The following EOGT variants were observed in gnomAD, a reference collection of about 807,000 sequenced individuals.
EOGT encodes the protein EGF domain specific O-linked N-acetylglucosamine transferase.
EOGT carries 55 observed loss-of-function variants against 70.5 expected under a neutral mutation model. The ratio of observed to expected loss-of-function variants is 0.78; its 90% CI spans 0.63 to 0.98. The LOEUF is 0.98. EOGT is among the 50% of genes least tolerant of loss of function. The pLI, the probability that EOGT is intolerant of heterozygous loss-of-function variation, is 0.00. For missense variants in EOGT, 703 were observed against 641.9 expected, an observed-to-expected ratio of 1.10 and a Z score of -1.03; for synonymous variants, 246 against 217.1, an observed-to-expected ratio of 1.13 and a Z score of -1.17.
Position 68,975,908 on chromosome 3 carries a change from T to C in EOGT, c.*1710A>G, listed in dbSNP as rs918953407. 2.0e-5 allele frequency: 3 copies of C among 152,254 alleles called. No individual in the cohort carries two copies. Among genetic ancestry groups the C allele is most frequent in the Non-Finnish European group, 4.4e-5 (3 of 68,046 alleles). 9.4% of individuals were successfully genotyped at this position (152,254 alleles called of 1,614,324 possible). On this transcript the variant is annotated 3_prime_UTR_variant, in exon 18 of 18. Coordinates refer to ENST00000383701, the MANE Select transcript of EOGT (RefSeq NM_001278689.2). ...ATGGATATTTTTTACAACTGTAAAATATTTTTAAAAAATTATTTAGCTATT... is the reference window on the plus strand; with the variant it reads ...ATGGATATTTTTTACAACTGTAAAACATTTTTAAAAAATTATTTAGCTATT...
chr3:68,988,294 CCTTAGGTCCTT>C lies in EOGT; in HGVS notation c.1073_1083del (p.Glu358GlyfsTer20). 5 of 1,533,490 alleles carry C rather than the reference CCTTAGGTCCTT, an allele frequency of 3.3e-6. No individual in the cohort carries two copies. Among genetic ancestry groups the C allele is most frequent in the Non-Finnish European group, 4.4e-6 (5 of 1,144,524 alleles). 95.0% of individuals were successfully genotyped at this position (1,533,490 alleles called of 1,614,324 possible). The stretch of plus-strand genomic sequence containing the variant: ...CTCAGAATCCGCAGTGTATCCATTA[CCTTAGGTCCTT>C]CTTGTGTGATGTTTAGTCTGTGTAG... On this transcript the variant is annotated frameshift_variant and splice_region_variant, in exon 13 of 18. Coordinates refer to ENST00000383701, the MANE Select transcript of EOGT (RefSeq NM_001278689.2). LOFTEE classifies it high-confidence loss of function.
At position 68,996,007 on chromosome 3, in the gene EOGT, G is replaced by A. The variant is rs144612403; in HGVS notation, c.831+2004C>T. 2.4e-3 allele frequency among the ~76,000 whole-genome samples: 368 copies of A among 152,166 alleles called. 1 individual carries two copies. Among genetic ancestry groups the A allele is most frequent in the African/African-American group, 8.5e-3 (352 of 41,530 alleles). On this transcript the variant is annotated intron_variant, in intron 10 of 17. Coordinates refer to ENST00000383701, the MANE Select transcript of EOGT (RefSeq NM_001278689.2). ...TTTAAAAATAGTTTTGTTTAAAAAC[G>A]GCAAAACAACCCTGAGTTAATAATT... is the stretch of plus-strand genomic sequence containing the variant.
chr3:68,992,345 T>C (rs1026743528), intron 10 of EOGT, among the ~76,000 whole-genome samples: 8 of 152,192 alleles, frequency 5.3e-5, no homozygotes, highest in East Asian at 1.9e-4. Flanking sequence ...ATGGGAGAAA[T>C]TGGCCAAAAC....
At chr3:69,010,791 G>A (rs2091556329) in intron 3 of EOGT, among the ~76,000 whole-genome samples, 1 of 152,170 alleles carries the variant, frequency 6.6e-6, no homozygotes, top group African/African-American at 2.4e-5. Context: ...GGAGTGGGAT[G>A]GCTCTGAGCA....
At position 69,010,013 on chromosome 3, in the gene EOGT, T is replaced by C. The variant is rs74548396; in HGVS notation, c.-14-153A>G. ...GCTATCCCACTGAATAATGATCCTT[T>C]ATTCAATTTTTTTTGAGCACTTGCT... On this transcript the variant is annotated intron_variant, in intron 3 of 17. Transcript: ENST00000383701. Among the ~76,000 whole-genome samples, 1,222 of 151,824 alleles carry C rather than the reference T, an allele frequency of 8.0e-3. 13 individuals are homozygous for C. Among genetic ancestry groups the C allele is most frequent in the Non-Finnish European group, 0.013 (896 of 67,980 alleles).
chr3:68,978,217 C>T, intron 17 of EOGT, 116 bp downstream of exon 17: 1 of 765,974 alleles, frequency 1.3e-6, no homozygotes, highest in Non-Finnish European at 2.2e-6. Flanking sequence ...TTCAGTATTC[C>T]AGAGAACAGT....
rs762688739 is a variant in EOGT at position 68,978,378 on chromosome 3, G to A, written c.1392C>T (p.His464=). 18 of 1,612,922 alleles carry A rather than the reference G, an allele frequency of 1.1e-5. No homozygotes were observed. The highest frequency in any genetic ancestry group is 1.0e-4 in the Admixed American group (6 of 59,806). Reference sequence around the variant, plus strand: ...TGTTCTGCCGTCGCCAAGTGATGTAGTGAACGCCTCTCAGCCTGGCCAAGT... The same window carrying A: ...TGTTCTGCCGTCGCCAAGTGATGTAATGAACGCCTCTCAGCCTGGCCAAGT... ...YLDLARLRGV[H]YITWRRQNKV... is the part of the protein sequence containing the mutation. Residue 464 remains histidine (H), a synonymous_variant, in exon 17 of 18, where the codon CAC becomes CAT. Coordinates refer to ENST00000383701, the MANE Select transcript of EOGT (RefSeq NM_001278689.2).
chr3:69,008,744 G>A (rs551201772), intron 4 of EOGT, among the ~76,000 whole-genome samples: 1 of 152,200 alleles, frequency 6.6e-6, no homozygotes, highest in Non-Finnish European at 1.5e-5. Context: ...CACCATATCG[G>A]TCCCCTAACC....
chr3:68,982,923 G>T, intron 14 of EOGT, 51 bp from the exon 15 acceptor site: 3 of 1,471,226 alleles, frequency 2.0e-6, no homozygotes, highest in Non-Finnish European at 2.8e-6. Flanking sequence ...TTTCACTTCT[G>T]TTTTTCCCTT....
intron 10 of EOGT, among the ~76,000 whole-genome samples, chr3:68,993,354 C>T (rs2091051162): frequency 6.6e-6 from 1 of 152,144 alleles, no homozygotes; most frequent in African/African-American, 2.4e-5. Flanking sequence ...GTTCAAAGTT[C>T]CACAAATCTC....
chr3:68,994,158 T>C (rs2091078018), intron 10 of EOGT, among the ~76,000 whole-genome samples: 1 of 152,186 alleles, frequency 6.6e-6, no homozygotes, highest in Admixed American at 6.5e-5. Flanking sequence ...TATGACTATA[T>C]TGTCATAACA....
chr3:69,002,470 AG>A (rs2091322064), intron 8 of EOGT, among the ~76,000 whole-genome samples: 1 of 152,234 alleles, frequency 6.6e-6, no homozygotes, highest in Non-Finnish European at 1.5e-5. Flanking sequence ...AGAAAGTACC[AG>A]GAATCAAAAA....
intron 7 of EOGT, among the ~76,000 whole-genome samples, chr3:69,004,868 C>T (rs925787199): frequency 6.6e-6 from 1 of 151,844 alleles, no homozygotes; most frequent in African/African-American, 2.4e-5. Flanking sequence ...GTTTGAGACC[C>T]GCCTGGGCAA....
intron 8 of EOGT, 88 bp downstream of exon 8, chr3:69,004,290 T>G: frequency 1.0e-6 from 1 of 972,326 alleles, no homozygotes; most frequent in Non-Finnish European, 1.6e-6. Flanking sequence ...TGAAGTAACA[T>G]TTTCCATTTG....
chr3:68,996,782 C>T (rs1364627104), intron 10 of EOGT, among the ~76,000 whole-genome samples: 2 of 152,204 alleles, frequency 1.3e-5, no homozygotes, highest in African/African-American at 4.8e-5. Context: ...CACCAAGAGC[C>T]GAGCATATGA....
intron 10 of EOGT, among the ~76,000 whole-genome samples, chr3:68,991,772 T>A (rs906244979): frequency 1.8e-4 from 28 of 152,130 alleles, no homozygotes; most frequent in African/African-American, 6.8e-4. Context: ...ACACTGCTGA[T>A]AAAGACATAC....
intron 14 of EOGT, among the ~76,000 whole-genome samples, chr3:68,986,103 G>A (rs2090798661): frequency 6.6e-6 from 1 of 152,128 alleles, no homozygotes; most frequent in Admixed American, 6.5e-5. Context: ...TTTGATCAGT[G>A]AGAAGAATCC....
chr3:68,991,577 A>C (rs986132075), intron 10 of EOGT, among the ~76,000 whole-genome samples: 1 of 152,234 alleles, frequency 6.6e-6, no homozygotes, highest in African/African-American at 2.4e-5. Flanking sequence ...GATAGCCCTA[A>C]AGGTACTGAC....
chr3:68,991,715 G>A lies in EOGT; in HGVS notation c.832-2698C>T, dbSNP rs151048654. Among the ~76,000 whole-genome samples, 1,108 of 152,260 alleles carry A rather than the reference G, an allele frequency of 7.3e-3. 11 individuals carry two copies. Among genetic ancestry groups the A allele is most frequent in the Non-Finnish European group, 0.012 (817 of 68,008 alleles). On this transcript the variant is annotated intron_variant, in intron 10 of 17. Coordinates refer to ENST00000383701, the MANE Select transcript of EOGT (RefSeq NM_001278689.2). ...CCAGTGCTTTGGGAGGCTGAGGTGG[G>A]AGGATCACTTGAGGCCAGGAGTTCA...
Sources: allele counts gnomAD v4.1 joint callset (sites outside exome capture counted in the v4.1 genomes callset), GRCh38; gene constraint gnomAD v4.1.1; transcripts MANE v1.5; gene names NCBI Gene and HGNC (gene_info 2026-07-23, HGNC 2026-07-21).